ARF5: variants seen among roughly 807,000 people sequenced by gnomAD.
ARF5 encodes ADP-ribosylation factor 5.
In ARF5, 10 loss-of-function variants were observed where a neutral mutation model predicts 24.8. The ratio of observed to expected loss-of-function variants is 0.40; its 90% CI spans 0.25 to 0.68. The LOEUF (loss-of-function observed/expected upper bound fraction) is 0.68. Among genes scored for constraint, ARF5 ranks in the 30% least tolerant of loss-of-function variants. The probability of loss-of-function intolerance (pLI) is 0.36; values close to 1 mark genes in which losing one functional copy is unlikely to be tolerated. For synonymous variants in ARF5, 102 were observed against 95.1 expected, an observed-to-expected ratio of 1.07 and a Z score of -0.42; for missense variants, 135 against 239.2, an observed-to-expected ratio of 0.56 and a Z score of 2.87.
At chr7:127,588,757 G>C in intron 1 of ARF5, 192 bp downstream of exon 1, 1 of 609,654 alleles carries the variant, frequency 1.6e-6, no homozygotes, top group Non-Finnish European at 2.7e-6. Flanking sequence ...ACCCGGAGCT[G>C]CGGGCCTGGG....
At chr7:127,590,437 A>G (rs1324792142) in intron 4 of ARF5, among the ~76,000 whole-genome samples, 2 of 151,960 alleles carry the variant, frequency 1.3e-5, no homozygotes, top group Non-Finnish European at 2.9e-5. Flanking sequence ...GGTTCAAGCA[A>G]TTCTCCTGCC....
chr7:127,590,635 A>G (rs1794273059), intron 4 of ARF5, among the ~76,000 whole-genome samples: 1 of 152,230 alleles, frequency 6.6e-6, no homozygotes, highest in African/African-American at 2.4e-5. Context: ...GCCCGGCCGC[A>G]TTCTCATGTC....
rs1479044483 is a variant in ARF5 at position 127,590,901 on chromosome 7, G to A, written c.331-62G>A. ...ATCAAGATGCTAGGAGGTAGAAAGGGAATTCCCCAACACAGTAGAGGAGAC... is the reference window on the plus strand; with the variant it reads ...ATCAAGATGCTAGGAGGTAGAAAGGAAATTCCCCAACACAGTAGAGGAGAC... On this transcript the variant is annotated intron_variant, in intron 4 of 5. Transcript: ENST00000000233. 1.9e-6 allele frequency: 3 copies of A among 1,543,902 alleles called. No homozygotes were observed. In the African/African-American group the frequency reaches 4.2e-5, roughly 21 times the overall value.
At chr7:127,589,033 AG>A (rs780560426) in intron 1 of ARF5, 49 bp from the exon 2 acceptor site, 1 of 1,599,342 alleles carries the variant, frequency 6.3e-7, no homozygotes, top group East Asian at 2.2e-5. Flanking sequence ...CCTGGTCTCT[AG>A]GGGGCTCCCT....
At position 127,591,410 on chromosome 7, in the gene ARF5, T is replaced by C. The variant is rs1794286792; in HGVS notation, c.*111T>C. On this transcript the variant is annotated 3_prime_UTR_variant, in exon 6 of 6. Coordinates refer to ENST00000000233, the MANE Select transcript of ARF5 (RefSeq NM_001662.4). ...CTTTCCTCCCACTTTTCCTCCCCCATAGCCACAGGCCTCTGCTCCTGCTCC... is the reference window on the plus strand; with the variant it reads ...CTTTCCTCCCACTTTTCCTCCCCCACAGCCACAGGCCTCTGCTCCTGCTCC... 2.2e-6 allele frequency: 2 copies of C among 895,644 alleles called. No homozygotes were observed. Among genetic ancestry groups the C allele is most frequent in the Non-Finnish European group, 3.3e-6 (2 of 608,740 alleles). 55.5% of individuals were successfully genotyped at this position (895,644 alleles called of 1,614,324 possible). A position where few individuals can be genotyped will look rare whatever the true frequency, so the allele number is the denominator to read the frequency against.
At chr7:127,589,756 C>T (rs1794257068) in intron 3 of ARF5, 162 bp downstream of exon 3, 1 of 628,064 alleles carries the variant, frequency 1.6e-6, no homozygotes, top group Non-Finnish European at 2.8e-6. Flanking sequence ...CAGAACTCAC[C>T]TTAGTCTTCC....
chr7:127,589,385 C>T, intron 2 of ARF5, 100 bp from the exon 3 acceptor site: 1 of 1,184,278 alleles, frequency 8.4e-7, no homozygotes, highest in African/African-American at 1.5e-5. Flanking sequence ...GGGCCTTGAT[C>T]ATTGCCTTCT....
At chr7:127,591,110 T>C in intron 5 of ARF5, 22 bp downstream of exon 5, 1 of 1,613,190 alleles carries the variant, frequency 6.2e-7, no homozygotes, top group Non-Finnish European at 8.5e-7. Context: ...GCCCACCTGG[T>C]GCTGAATCCT....
chr7:127,589,565 C>T lies in ARF5; in HGVS notation c.229C>T (p.Leu77=), dbSNP rs1794254410. The change falls in exon 3 of 6, where the codon CTG becomes TTG. Residue 77 remains leucine (L), a synonymous_variant. Transcript: ENST00000000233. The part of the protein sequence containing the change: ...DVGGQDKIRP[L]WRHYFQNTQG... The stretch of plus-strand genomic sequence containing the variant: ...GGGAGGCCAGGACAAGATTCGGCCT[C>T]TGTGGCGGCACTACTTCCAGAACAC... 6.2e-7 allele frequency: 1 copy of T among 1,614,012 alleles called. No homozygotes were observed. Among genetic ancestry groups the T allele is most frequent in the East Asian group, 2.2e-5 (1 of 44,882 alleles).
chr7:127,589,783 T>A lies in ARF5; in HGVS notation c.258+189T>A. ...TAGTCTTCCCCAGCTTGGACTTCTC[T>A]TTAGAAGCAGGATTCTGGGACCAGG... On this transcript the variant is annotated intron_variant, in intron 3 of 5. Coordinates refer to ENST00000000233, the MANE Select transcript of ARF5 (RefSeq NM_001662.4). 5 of 613,246 alleles carry A rather than the reference T, an allele frequency of 8.2e-6. No individual in the cohort carries two copies. The South Asian group carries it at 1.0e-4, about 13-fold the overall frequency. 38.0% of individuals were successfully genotyped at this position (613,246 alleles called of 1,614,324 possible).
In ARF5 at chr7:127,591,322, T is replaced by C. The variant is rs1312838182; in HGVS notation, c.*23T>C. ...TAACCAGCCAGGGGCAGGCCCCTGA[T>C]GCCCGGAAGCTCCTGCGTGCATCCC... On this transcript the variant is annotated 3_prime_UTR_variant, in exon 6 of 6. Coordinates refer to ENST00000000233, the MANE Select transcript of ARF5 (RefSeq NM_001662.4). 2 of 1,559,920 alleles carry C rather than the reference T, an allele frequency of 1.3e-6. No individual in the cohort carries two copies. Among genetic ancestry groups the C allele is most frequent in the Non-Finnish European group, 1.7e-6 (2 of 1,158,376 alleles).
Position 127,589,019 on chromosome 7 carries a change from T to G in ARF5, c.68-64T>G. The G allele has an allele frequency of 1.9e-6, 3 of 1,580,342 alleles. No homozygotes were observed. The South Asian group carries it at 3.3e-5, about 18-fold the overall frequency. On this transcript the variant is annotated intron_variant, in intron 1 of 5. Coordinates refer to ENST00000000233, the MANE Select transcript of ARF5 (RefSeq NM_001662.4). Reference sequence around the variant, plus strand: ...ACCATCAGCTGTTGTGGCCTCTCCCTTTCCCTGGTCTCTAGGGGGCTCCCT... The same window carrying G: ...ACCATCAGCTGTTGTGGCCTCTCCCGTTCCCTGGTCTCTAGGGGGCTCCCT...
intron 1 of ARF5, chr7:127,588,796 G>C (rs964028334): frequency 1.8e-6 from 1 of 565,048 alleles, no homozygotes; most frequent in African/African-American, 1.9e-5. Context: ...GCCCCAGCCC[G>C]GCTGGTAAGA....
chr7:127,590,942 C>T (rs1363323778), intron 4 of ARF5, 21 bp from the exon 5 acceptor site: 1 of 1,607,562 alleles, frequency 6.2e-7, no homozygotes, highest in African/African-American at 1.3e-5. Flanking sequence ...CTGGGTCCCA[C>T]CTTCTCTTCT....
chr7:127,590,447 C>T (rs533688122), intron 4 of ARF5, among the ~76,000 whole-genome samples: 16 of 152,254 alleles, frequency 1.1e-4, no homozygotes, highest in African/African-American at 3.9e-4. Flanking sequence ...ATTCTCCTGC[C>T]TCAGCCTCCC....
intron 2 of ARF5, 106 bp from the exon 3 acceptor site, chr7:127,589,379 C>A: frequency 8.6e-7 from 1 of 1,161,536 alleles, no homozygotes; most frequent in Non-Finnish European, 1.3e-6. Flanking sequence ...TCCCCTGGGC[C>A]TTGATCATTG....
Position 127,591,055 on chromosome 7 carries a change from C to G in ARF5, c.423C>G (p.Asp141Glu). ...PNAMPVSELT[D>E]KLGLQHLRSR... Reference sequence around the variant, plus strand: ...CCATGCCCGTGAGCGAGCTGACTGACAAGCTGGGGCTACAGCACTTACGCA... The same window carrying G: ...CCATGCCCGTGAGCGAGCTGACTGAGAAGCTGGGGCTACAGCACTTACGCA... Residue 141 changes from aspartate (D) to glutamate (E), a missense_variant, in exon 5 of 6, where the codon GAC becomes GAG. By Grantham distance (45) the Asp-to-Glu change is conservative (BLOSUM62 2). Coordinates refer to ENST00000000233, the MANE Select transcript of ARF5 (RefSeq NM_001662.4). The G allele has an allele frequency of 3.1e-6, 5 of 1,614,070 alleles. No homozygotes were observed. The highest frequency in any genetic ancestry group is 3.4e-6 in the Non-Finnish European group (4 of 1,179,996).
chr7:127,589,898 T>C (rs2117416371), intron 3 of ARF5, 168 bp from the exon 4 acceptor site: 6 of 655,752 alleles, frequency 9.1e-6, no homozygotes, highest in East Asian at 2.6e-5. Context: ...CTCTAGTTTG[T>C]GCCATGACTC....
intron 1 of ARF5, 127 bp downstream of exon 1, chr7:127,588,692 G>A (rs1440503091): frequency 1.4e-5 from 13 of 927,584 alleles, no homozygotes; most frequent in Non-Finnish European, 1.2e-5. Context: ...ATAACGCCCC[G>A]GGGCCTCTGC....
Sources: gnomAD v4.1 joint callset for allele counts (sites outside exome capture counted in the v4.1 genomes callset) on GRCh38, gnomAD v4.1.1 for gene constraint, MANE v1.5 for transcripts, NCBI Gene and HGNC (gene_info 2026-07-23, HGNC 2026-07-21) for gene names.